The following RNF213 variants were observed in gnomAD, a reference collection of about 807,000 sequenced individuals.
RNF213 encodes ring finger protein 213.
In RNF213, 341 loss-of-function variants were observed where a neutral mutation model predicts 514.4. That is an observed-to-expected ratio of 0.66 (90% confidence interval 0.61 to 0.73). The LOEUF is 0.73. Among genes scored for constraint, RNF213 ranks in the 30% least tolerant of loss-of-function variants. RNF213 has a pLI of 0.00. For missense variants in RNF213, 5,767 were observed against 6,615.6 expected, an observed-to-expected ratio of 0.87 and a Z score of 4.45; for synonymous variants, 2,655 against 2,658.2, an observed-to-expected ratio of 1.00 and a Z score of 0.04.
chr17:80,308,945 GTCA>G (rs2045468311), intron 13 of RNF213, 70 bp from the exon 14 acceptor site: 1 of 1,570,250 alleles, frequency 6.4e-7, no homozygotes, highest in African/African-American at 1.4e-5. Context: ...GAAGGAGCTA[GTCA>G]TCAATGGTAA....
intron 2 of RNF213, among the ~76,000 whole-genome samples, chr17:80,271,448 G>A (rs2043819793): frequency 6.6e-6 from 1 of 152,180 alleles, no homozygotes; most frequent in Non-Finnish European, 1.5e-5. Flanking sequence ...AACGGGCGTG[G>A]GGATGAAGTG....
chr17:80,382,667 G>T, intron 57 of RNF213: 2 of 344,802 alleles, frequency 5.8e-6, no homozygotes, highest in Non-Finnish European at 1.1e-5. Flanking sequence ...CAGCAGCTGA[G>T]ACGGCTGGCG....
At chr17:80,283,660 C>A (rs1001147816) in intron 3 of RNF213, among the ~76,000 whole-genome samples, 1 of 152,178 alleles carries the variant, frequency 6.6e-6, no homozygotes, top group Non-Finnish European at 1.5e-5. Context: ...AAGGTCTGAG[C>A]CCTTTGCTAC....
In RNF213 at chr17:80,263,173, C is replaced by G. The variant is rs960357047; in HGVS notation, c.-108-401C>G. On this transcript the variant is annotated intron_variant, in intron 1 of 67. Coordinates refer to ENST00000582970, the MANE Select transcript of RNF213 (RefSeq NM_001256071.3). This position sits in a 1 kb window ranked among gnomAD's most constrained non-coding sequence, Gnocchi z 4.9. Reference sequence around the variant, plus strand: ...CGCGCTTTGTGGATGGCAGCCTCCCCCCATTACTAGGAATCTGACTGCCAG... The same window carrying G: ...CGCGCTTTGTGGATGGCAGCCTCCCGCCATTACTAGGAATCTGACTGCCAG... Among the ~76,000 whole-genome samples, 5 of 152,172 alleles carry G rather than the reference C, an allele frequency of 3.3e-5. No homozygotes were observed. The highest frequency in any genetic ancestry group is 1.2e-4 in the African/African-American group (5 of 41,450).
Position 80,348,082 on chromosome 17 carries a change from G to C in RNF213, c.9747G>C (p.Lys3249Asn). Residue 3249 changes from lysine (K) to asparagine (N), a missense_variant, in exon 29 of 68, where the codon AAG becomes AAC. By Grantham distance (94) the Lys-to-Asn change is moderately conservative (BLOSUM62 0). Transcript: ENST00000582970. ...PRALTEELHQKVSEEAKSILL... is the reference protein window; with the variant it reads ...PRALTEELHQNVSEEAKSILL... ...CCTTGACGGAGGAACTTCACCAGAA[G>C]GTGTCTGAGGAGGCCAAATCGATCC... 6.2e-7 allele frequency: 1 copy of C among 1,614,160 alleles called. No homozygotes were observed. Among genetic ancestry groups the C allele is most frequent in the Non-Finnish European group, 8.5e-7 (1 of 1,180,058 alleles).
chr17:80,310,339 G>A (rs1257095430), intron 14 of RNF213, among the ~76,000 whole-genome samples: 4 of 151,966 alleles, frequency 2.6e-5, no homozygotes, highest in East Asian at 3.9e-4. Flanking sequence ...TGCAATCTCC[G>A]CCTCCTAGGT....
chr17:80,388,697 C>G lies in RNF213; in HGVS notation c.15000+8C>G. ...AAGAACAAAATGGCACAGGTGATCC[C>G]GATAAACCTGATCCTGTGCACGGGG... On this transcript the variant is annotated splice_region_variant and intron_variant, in intron 64 of 67. Coordinates refer to ENST00000582970, the MANE Select transcript of RNF213 (RefSeq NM_001256071.3). The G allele has an allele frequency of 6.3e-7, 1 of 1,593,942 alleles. No homozygotes were observed. The highest frequency in any genetic ancestry group is 8.6e-7 in the Non-Finnish European group (1 of 1,162,732).
Position 80,369,628 on chromosome 17 carries a change from TCTC to T in RNF213, c.12286_12288del (p.Leu4096del), listed in dbSNP as rs774928877. 6.9e-5 allele frequency: 111 copies of T among 1,614,108 alleles called. No homozygotes were observed. The highest frequency in any genetic ancestry group is 9.1e-5 in the Non-Finnish European group (107 of 1,180,052). On this transcript the variant is annotated inframe_deletion, in exon 45 of 68. Coordinates refer to ENST00000582970, the MANE Select transcript of RNF213 (RefSeq NM_001256071.3). ...AGGAAGTGATTGAGAGCCTGCTCTCTCTCCTCTTCGTCCAAAAGGGGCGCTTAA... is the reference window on the plus strand; with the variant it reads ...AGGAAGTGATTGAGAGCCTGCTCTCTCTCTTCGTCCAAAAGGGGCGCTTAA...
chr17:80,319,455 C>T (rs760384798), intron 17 of RNF213, 143 bp downstream of exon 17: 2 of 1,614,082 alleles, frequency 1.2e-6, no homozygotes, highest in African/African-American at 1.3e-5. Context: ...TCCTCCCTCG[C>T]CAAGGGCAAT....
chr17:80,290,422 C>T (rs990948945), intron 6 of RNF213, 148 bp from the exon 7 acceptor site: 29 of 862,692 alleles, frequency 3.4e-5, no homozygotes, highest in Non-Finnish European at 4.8e-5. Flanking sequence ...TGCGTGTGTG[C>T]GAGTGTGCGC....
chr17:80,274,618 AGTGGGGTGTCTGTGGGGGGT>A (rs1338149498), intron 3 of RNF213, among the ~76,000 whole-genome samples: 64 of 1,220 alleles, frequency 0.052, 3 homozygotes, highest in East Asian at 0.096. Flanking sequence ...GTGGGGGGTG[AGTGGGGTGTCTGTGGGGGGT>A]GTGGGGTGAG....
intron 8 of RNF213, among the ~76,000 whole-genome samples, chr17:80,293,449 A>G (rs2044813331): frequency 6.6e-6 from 1 of 152,162 alleles, no homozygotes; most frequent in Admixed American, 6.6e-5. Context: ...ATATATAAAT[A>G]CATTTAAATA....
chr17:80,378,821 A>G lies in RNF213; in HGVS notation c.13546-799A>G, dbSNP rs543055506. 2.0e-5 allele frequency among the ~76,000 whole-genome samples: 3 copies of G among 152,326 alleles called. No individual in the cohort carries two copies. The East Asian group carries it at 5.8e-4, about 29-fold the overall frequency. On this transcript the variant is annotated intron_variant, in intron 54 of 67. Transcript: ENST00000582970. ...GTGACTCTCAGTATATTGTGGCACAATATCTGATTTTGAAAAATAAGCCTT... is the reference window on the plus strand; with the variant it reads ...GTGACTCTCAGTATATTGTGGCACAGTATCTGATTTTGAAAAATAAGCCTT...
At chr17:80,349,492 C>T (rs113156040) in intron 29 of RNF213, among the ~76,000 whole-genome samples, 1 of 152,260 alleles carries the variant, frequency 6.6e-6, no homozygotes, top group Admixed American at 6.5e-5. Context: ...ATCTCAAGTA[C>T]GGACCAAGCA....
intron 17 of RNF213, among the ~76,000 whole-genome samples, chr17:80,324,321 T>C (rs1180429863): frequency 6.6e-6 from 1 of 152,238 alleles, no homozygotes; most frequent in Admixed American, 6.5e-5. Context: ...AGTTGGATTT[T>C]GTCAAATGCT....
chr17:80,284,957 C>T lies in RNF213; in HGVS notation c.262-2858C>T, dbSNP rs1395715894. 5.3e-5 allele frequency among the ~76,000 whole-genome samples: 8 copies of T among 152,330 alleles called. No individual in the cohort carries two copies. The South Asian group carries it at 1.7e-3, about 32-fold the overall frequency. On this transcript the variant is annotated intron_variant, in intron 3 of 67. Coordinates refer to ENST00000582970, the MANE Select transcript of RNF213 (RefSeq NM_001256071.3). ...GACATCAGTGGTTGACACCAGCCCA[C>T]GCACAAGAGCTGCCCTTGGGGCTAG...
intron 3 of RNF213, among the ~76,000 whole-genome samples, chr17:80,275,854 G>C (rs2044032093): frequency 6.6e-6 from 1 of 151,624 alleles, no homozygotes; most frequent in African/African-American, 2.4e-5. Flanking sequence ...GGTAGAGACG[G>C]GGTTTCACCA....
chr17:80,281,451 TACAC>T (rs2044275435), intron 3 of RNF213, among the ~76,000 whole-genome samples: 25 of 31,140 alleles, frequency 8.0e-4, no homozygotes, highest in East Asian at 2.4e-3. Flanking sequence ...CCCTGCAACA[TACAC>T]CCCACTCACA....
intron 54 of RNF213, 187 bp from the exon 55 acceptor site, chr17:80,379,433 G>A (rs1168537291): frequency 1.2e-5 from 8 of 644,724 alleles, no homozygotes; most frequent in South Asian, 3.2e-5. Context: ...GTTTGCCCAC[G>A]TGCAACATTA....
Sources: allele counts gnomAD v4.1 joint callset (sites outside exome capture counted in the v4.1 genomes callset), GRCh38; gene constraint gnomAD v4.1.1; non-coding constraint Gnocchi (gnomAD v3.1); transcripts MANE v1.5; gene names NCBI Gene and HGNC (gene_info 2026-07-23, HGNC 2026-07-21).